The following RBFOX1 variants were observed in gnomAD, a reference collection of about 807,000 sequenced individuals.
RBFOX1 encodes the protein RNA binding protein fox-1 homolog 1.
A neutral mutation model predicts 57.7 loss-of-function variants in RBFOX1; 8 were observed. The ratio of observed to expected loss-of-function variants is 0.14; its 90% CI spans 0.08 to 0.25. RBFOX1 has a LOEUF of 0.25. Ranked by LOEUF, RBFOX1 falls within the 10% of genes least tolerant of loss-of-function variation. The probability of loss-of-function intolerance (pLI) is 1.00; values close to 1 mark genes in which losing one functional copy is unlikely to be tolerated. For synonymous variants in RBFOX1, 326 were observed against 222.4 expected (o/e 1.47, Z -4.15); for missense variants, 611 against 548.5 (o/e 1.11, Z -1.14).
intron 3 of RBFOX1, among the ~76,000 whole-genome samples, chr16:6,872,578 G>T (rs1032112078): frequency 6.6e-6 from 1 of 152,072 alleles, no homozygotes; most frequent in African/African-American, 2.4e-5. Context: ...AGATAAGAAC[G>T]TTTGGAACGG....
chr16:5,751,649 G>A (rs953765255), intron 3 of RBFOX1, among the ~76,000 whole-genome samples: 4 of 152,174 alleles, frequency 2.6e-5, no homozygotes, highest in African/African-American at 7.2e-5. Flanking sequence ...TACTCTAAAG[G>A]TGAGGAGCAT....
chr16:6,869,028 C>G (rs1264812820), intron 3 of RBFOX1, among the ~76,000 whole-genome samples: 1 of 152,174 alleles, frequency 6.6e-6, no homozygotes, highest in East Asian at 1.9e-4. Context: ...TTCCAGCCAA[C>G]CTGTATTGAG....
chr16:5,459,730 C>G (rs145192336), intron 1 of RBFOX1, among the ~76,000 whole-genome samples: 106 of 152,208 alleles, frequency 7.0e-4, no homozygotes, highest in African/African-American at 2.4e-3. Flanking sequence ...CACACATGCA[C>G]GCACACACAC....
intron 3 of RBFOX1, among the ~76,000 whole-genome samples, chr16:6,806,823 T>TAAATATATATATAA (rs1236234265): frequency 1.1e-4 from 9 of 83,696 alleles, no homozygotes; most frequent in African/African-American, 3.7e-4. Flanking sequence ...TATAAATATA[T>TAAATATATATATAA]ATATATATAT....
intron 3 of RBFOX1, among the ~76,000 whole-genome samples, chr16:6,752,350 C>T (rs1040608682): frequency 2.4e-4 from 37 of 152,146 alleles, no homozygotes; most frequent in Admixed American, 2.4e-3. Flanking sequence ...TGATCTCAGT[C>T]TAATTAATAT....
intron 3 of RBFOX1, among the ~76,000 whole-genome samples, chr16:5,696,898 A>G (rs1008129253): frequency 1.3e-5 from 2 of 152,006 alleles, no homozygotes; most frequent in Non-Finnish European, 2.9e-5. Context: ...ATACTTACAG[A>G]GACATATATG....
chr16:6,019,950 G>A lies in RBFOX1; in HGVS notation c.-169G>A. The A allele has an allele frequency of 6.5e-7, 1 of 1,533,216 alleles. No individual in the cohort carries two copies. Among genetic ancestry groups the A allele is most frequent in the East Asian group, 2.5e-5 (1 of 40,756 alleles). The allele number at this position is 1,533,216 out of a possible 1,614,324, so 95.0% of individuals were successfully genotyped here. On this transcript the variant is annotated 5_prime_UTR_variant, in exon 1 of 16. Transcript: ENST00000550418. This position sits in a 1 kb window ranked among gnomAD's most constrained non-coding sequence, Gnocchi z 4.2. Reference sequence around the variant, plus strand: ...GAGCGCACGGGAATTCGGGGGTCTGGGGCCGAGAACGTGACCGCAGCCGGG... The same window carrying A: ...GAGCGCACGGGAATTCGGGGGTCTGAGGCCGAGAACGTGACCGCAGCCGGG...
chr16:5,862,382 G>C (rs2057242159), intron 3 of RBFOX1, among the ~76,000 whole-genome samples: 1 of 152,180 alleles, frequency 6.6e-6, no homozygotes. Flanking sequence ...GCACTTGAGG[G>C]AGGGGTGTGA....
At chr16:6,131,124 G>C (rs146272328) in intron 1 of RBFOX1, among the ~76,000 whole-genome samples, 87 of 152,284 alleles carry the variant, frequency 5.7e-4, no homozygotes, top group African/African-American at 2.1e-3. Flanking sequence ...AGAAAGTTCA[G>C]AACACTCATT....
chr16:6,238,694 C>T (rs1408442192), intron 1 of RBFOX1, among the ~76,000 whole-genome samples: 2 of 152,112 alleles, frequency 1.3e-5, no homozygotes, highest in Non-Finnish European at 2.9e-5. Flanking sequence ...TTTTTATTCT[C>T]TGGTTTTTAT....
intron 3 of RBFOX1, among the ~76,000 whole-genome samples, chr16:7,018,466 C>G (rs568245570): frequency 6.6e-6 from 1 of 152,138 alleles, no homozygotes; most frequent in Non-Finnish European, 1.5e-5. Context: ...AACGTCTAAT[C>G]CAGTCTATCA....
chr16:6,930,656 T>C (rs11077111), intron 3 of RBFOX1, among the ~76,000 whole-genome samples: 69,261 of 151,896 alleles, frequency 0.46, 16,872 homozygotes, highest in East Asian at 0.68. Flanking sequence ...GTGATCCGCC[T>C]GCCTTGGCCT....
At chr16:5,346,235 C>T (rs770183720) in intron 1 of RBFOX1, among the ~76,000 whole-genome samples, 16 of 152,096 alleles carry the variant, frequency 1.1e-4, no homozygotes, top group Non-Finnish European at 1.9e-4. Flanking sequence ...TCTCCAGTCT[C>T]GGTATGCCCA....
At chr16:5,871,462 G>A (rs1340395105) in intron 4 of RBFOX1, among the ~76,000 whole-genome samples, 3 of 152,196 alleles carry the variant, frequency 2.0e-5, no homozygotes, top group African/African-American at 7.2e-5. Context: ...AGTTGCTACT[G>A]TATGTCTCCT....
chr16:7,421,096 G>A (rs1037200270), intron 4 of RBFOX1, among the ~76,000 whole-genome samples: 2 of 151,780 alleles, frequency 1.3e-5, no homozygotes, highest in African/African-American at 2.4e-5. Flanking sequence ...TCATTTCTAC[G>A]GTTGGCTTTT....
At chr16:5,750,650 G>C (rs547301100) in intron 3 of RBFOX1, among the ~76,000 whole-genome samples, 5 of 152,308 alleles carry the variant, frequency 3.3e-5, no homozygotes, top group Non-Finnish European at 7.3e-5. Flanking sequence ...CTTTGTGGGC[G>C]TGGGACCCTC....
rs932696090 is a variant in RBFOX1, at chr16:7,446,785, G to C, written c.28-71362G>C. ...CACGTTTTCCTATTTCTCAAGCCAA[G>C]GTAGGTCTAGGTATTTTTTTTTTTT... On this transcript the variant is annotated intron_variant, in intron 4 of 15. Transcript: ENST00000550418. 2.1e-5 allele frequency among the ~76,000 whole-genome samples: 3 copies of C among 140,400 alleles called. No individual in the cohort carries two copies. The Admixed American group carries it at 2.2e-4, about 10-fold the overall frequency. 92.1% of individuals were successfully genotyped at this position (140,400 alleles called of 152,430 possible). A position where few individuals can be genotyped will look rare whatever the true frequency, so the allele number is the denominator to read the frequency against.
At chr16:5,283,517 A>G (rs566658717) in intron 1 of RBFOX1, among the ~76,000 whole-genome samples, 5 of 152,088 alleles carry the variant, frequency 3.3e-5, no homozygotes, top group South Asian at 2.1e-4. Flanking sequence ...AAGCCACAGG[A>G]GTGGAGCTGT....
At chr16:7,016,783 G>A (rs549371100) in intron 3 of RBFOX1, among the ~76,000 whole-genome samples, 15 of 152,266 alleles carry the variant, frequency 9.9e-5, no homozygotes, top group African/African-American at 3.6e-4. Context: ...TGTGAGCAGG[G>A]TAGGTGACAG....
Sources: gnomAD v4.1 joint callset for allele counts (sites outside exome capture counted in the v4.1 genomes callset) on GRCh38, gnomAD v4.1.1 for gene constraint, Gnocchi (gnomAD v3.1) non-coding constraint, MANE v1.5 for transcripts, NCBI Gene and HGNC (gene_info 2026-07-23, HGNC 2026-07-21) for gene names.